DNAH12: variants seen among roughly 807,000 people sequenced by gnomAD.
DNAH12 encodes the protein axonemal beta dynein heavy chain 12.
Under a neutral mutation model 371.5 loss-of-function variants are expected in DNAH12, and 285 were observed. The ratio of observed to expected loss-of-function variants is 0.77; its 90% CI spans 0.70 to 0.85. The LOEUF (loss-of-function observed/expected upper bound fraction) is 0.85, where lower values mean the gene tolerates loss of function less well. DNAH12 is among the 40% of genes least tolerant of loss of function. DNAH12 has a pLI of 0.00. For missense variants in DNAH12, 3,611 were observed against 3,689.4 expected, an observed-to-expected ratio of 0.98 and a Z score of 0.55; for synonymous variants, 1,200 against 1,213.0, an observed-to-expected ratio of 0.99 and a Z score of 0.22.
chr3:57,412,108 A>C (rs1553683237), intron 39 of DNAH12, among the ~76,000 whole-genome samples: 5 of 152,154 alleles, frequency 3.3e-5, no homozygotes. Context: ...TGCTGGGCAC[A>C]GTGGCTCATA....
intron 8 of DNAH12, among the ~76,000 whole-genome samples, 153 bp from the exon 9 acceptor site, chr3:57,504,357 C>CTAT: frequency 6.6e-6 from 1 of 152,022 alleles, no homozygotes; most frequent in South Asian, 2.1e-4. Flanking sequence ...CTTCATTCAG[C>CTAT]ATACTATATA....
intron 58 of DNAH12, among the ~76,000 whole-genome samples, chr3:57,361,905 G>A (rs2062945304): frequency 6.6e-6 from 1 of 151,878 alleles, no homozygotes; most frequent in Non-Finnish European, 1.5e-5. Flanking sequence ...GGGTACATGT[G>A]CACAATGTGC....
intron 25 of DNAH12, among the ~76,000 whole-genome samples, chr3:57,449,714 C>G (rs1461466860): frequency 6.6e-6 from 1 of 152,176 alleles, no homozygotes; most frequent in East Asian, 1.9e-4. Flanking sequence ...CCTTGGTTCC[C>G]GCTCGCGCCT....
intron 29 of DNAH12, among the ~76,000 whole-genome samples, chr3:57,442,351 A>G (rs902930457): frequency 2.6e-5 from 4 of 152,100 alleles, no homozygotes; most frequent in African/African-American, 9.7e-5. Context: ...TACAAAATAT[A>G]TAGAAGTAAA....
chr3:57,447,803 A>G (rs1272224223), intron 25 of DNAH12, among the ~76,000 whole-genome samples: 1 of 152,008 alleles, frequency 6.6e-6, no homozygotes, highest in Admixed American at 6.6e-5. Flanking sequence ...CCTCCCGAGT[A>G]GCGAGGACTA....
At chr3:57,406,302 A>G (rs2064023835) in intron 40 of DNAH12, among the ~76,000 whole-genome samples, 2 of 150,766 alleles carry the variant, frequency 1.3e-5, no homozygotes, top group Non-Finnish European at 2.9e-5. Flanking sequence ...CATTGCAAAG[A>G]GCCAAGATCA....
At chr3:57,415,032 T>C (rs1295781246) in intron 38 of DNAH12, among the ~76,000 whole-genome samples, 1 of 152,122 alleles carries the variant, frequency 6.6e-6, no homozygotes, top group Non-Finnish European at 1.5e-5. Flanking sequence ...GAGCAGCAAA[T>C]GCCCCTAATG....
Position 57,309,194 on chromosome 3 carries a change from T to A in DNAH12, c.11146A>T (p.Ser3716Cys). 6.5e-7 allele frequency: 1 copy of A among 1,550,296 alleles called. No individual in the cohort carries two copies. Among genetic ancestry groups the A allele is most frequent in the Non-Finnish European group, 8.7e-7 (1 of 1,146,690 alleles). ...TCTTGTACTAACACAGTATTCATGC[T>A]TTCTTCATATCTCACAGGATACTTC... ...LRKYPVRYEE[S>C]MNTVLVQEME... The change falls in exon 69 of 74, where the codon AGC becomes TGC. Residue 3716 changes from serine to cysteine, a missense_variant. Physicochemically the swap from Ser to Cys is moderately radical, Grantham distance 112. Coordinates refer to ENST00000495027, the MANE Select transcript of DNAH12 (RefSeq NM_001366028.2).
At chr3:57,455,842 A>C (rs542137496) in intron 22 of DNAH12, among the ~76,000 whole-genome samples, 2 of 152,306 alleles carry the variant, frequency 1.3e-5, no homozygotes, top group South Asian at 4.1e-4. Flanking sequence ...TTCAAAATGC[A>C]TTTAAATGGA....
chr3:57,390,590 T>C (rs936264946), intron 45 of DNAH12, among the ~76,000 whole-genome samples: 1 of 150,162 alleles, frequency 6.7e-6, no homozygotes, highest in Non-Finnish European at 1.5e-5. Context: ...TTTTTTCTTT[T>C]AATTATCCAG....
Position 57,408,506 on chromosome 3 carries a change from G to C in DNAH12, c.6050C>G (p.Thr2017Arg). The change falls in exon 40 of 74, where the codon ACG becomes AGG. Residue 2017 changes from threonine to arginine, a missense_variant. By Grantham distance (71) the Thr-to-Arg change is moderately conservative. Around this residue, in one of 3 missense-constraint regions of DNAH12, gnomAD observed 2,266 missense variants for 2,236.9 expected, o/e 1.01. Transcript: ENST00000495027. ...AGCAATCAGCTCTATGTCCACCAGC[G>C]TGATTTTACTTGTGTCCTTAAGGTC... is the stretch of plus-strand genomic sequence containing the variant. ...WYDLKDTSKITLVDIELIAAM... is the reference protein window; with the variant it reads ...WYDLKDTSKIRLVDIELIAAM... 1 of 1,548,890 alleles carries C rather than the reference G, an allele frequency of 6.5e-7. No individual in the cohort carries two copies. Among genetic ancestry groups the C allele is most frequent in the Non-Finnish European group, 8.7e-7 (1 of 1,145,774 alleles).
At chr3:57,359,744 T>A (rs1314868609) in intron 58 of DNAH12, among the ~76,000 whole-genome samples, 1 of 151,950 alleles carries the variant, frequency 6.6e-6, no homozygotes, top group East Asian at 1.9e-4. Flanking sequence ...GCAGTAGGGG[T>A]AAATTTTGAA....
At chr3:57,362,273 A>G (rs2062954487) in intron 58 of DNAH12, among the ~76,000 whole-genome samples, 1 of 152,102 alleles carries the variant, frequency 6.6e-6, no homozygotes, top group Non-Finnish European at 1.5e-5. Flanking sequence ...TCATTGATGG[A>G]CATTTGGGTT....
chr3:57,536,197 A>T (rs1045892596), intron 2 of DNAH12: 1 of 152,194 alleles, frequency 6.6e-6, no homozygotes, highest in East Asian at 1.9e-4. Flanking sequence ...TAAAAAATAG[A>T]CTAGGATACT....
chr3:57,365,154 C>T (rs1056012204), intron 57 of DNAH12, among the ~76,000 whole-genome samples: 11 of 152,178 alleles, frequency 7.2e-5, no homozygotes, highest in Admixed American at 4.6e-4. Context: ...AAGGTACATG[C>T]ACGTGTATGT....
intron 11 of DNAH12, chr3:57,498,346 T>C: frequency 1.7e-6 from 1 of 599,242 alleles, no homozygotes. Flanking sequence ...ACAAAGAGTT[T>C]TGCTCTGTCA....
At chr3:57,345,531 T>C (rs1240404852) in intron 60 of DNAH12, among the ~76,000 whole-genome samples, 2 of 152,178 alleles carry the variant, frequency 1.3e-5, no homozygotes, top group Non-Finnish European at 2.9e-5. Flanking sequence ...ACTGAAGAGA[T>C]GAACTGCTCT....
intron 45 of DNAH12, among the ~76,000 whole-genome samples, chr3:57,389,822 G>A (rs1486264361): frequency 0.098 from 4,475 of 45,556 alleles, 400 homozygotes; most frequent in East Asian, 0.3. Context: ...GTGTGTGTGT[G>A]TATATATATA....
intron 32 of DNAH12, among the ~76,000 whole-genome samples, chr3:57,433,080 A>C (rs1198886468): frequency 1.3e-5 from 2 of 152,056 alleles, no homozygotes; most frequent in Non-Finnish European, 2.9e-5. Context: ...ATAAGAAACC[A>C]TAAGACTGAA....
Sources: allele counts gnomAD v4.1 joint callset (sites outside exome capture counted in the v4.1 genomes callset), GRCh38; gene constraint gnomAD v4.1.1; regional missense constraint gnomAD v4.1.1; transcripts MANE v1.5; gene names NCBI Gene and HGNC (gene_info 2026-07-23, HGNC 2026-07-21).